The following NEXN variants were observed in gnomAD, a reference collection of about 807,000 sequenced individuals.
NEXN encodes the protein nexilin F-actin binding protein.
Under a neutral mutation model 92.6 loss-of-function variants are expected in NEXN, and 65 were observed. The observed-to-expected ratio is 0.70, with a 90% CI of 0.57 to 0.86. The LOEUF is 0.86. Among genes scored for constraint, NEXN ranks in the 40% least tolerant of loss-of-function variants. The pLI is 0.00. For synonymous variants in NEXN, 254 were observed against 242.5 expected (o/e 1.05, Z -0.44); for missense variants, 778 against 771.1 (o/e 1.01, Z -0.11).
intron 1 of NEXN, among the ~76,000 whole-genome samples, chr1:77,912,450 C>G (rs1053671159): frequency 6.6e-6 from 1 of 152,062 alleles, no homozygotes; most frequent in African/African-American, 2.4e-5. Context: ...CAAACTGATT[C>G]TAAAGTTTAT....
At chr1:77,933,182 AAAAAC>A (rs1314545912) in intron 9 of NEXN, 95 bp from the exon 10 acceptor site, 7 of 847,778 alleles carry the variant, frequency 8.3e-6, no homozygotes, top group Middle Eastern at 3.6e-4. Flanking sequence ...AACAAAAACT[AAAAAC>A]AAACAAAAAA....
intron 1 of NEXN, 54 bp downstream of exon 1, chr1:77,888,813 G>A (rs1462772068): frequency 6.5e-6 from 1 of 153,064 alleles, no homozygotes; most frequent in Non-Finnish European, 1.5e-5. Context: ...GAGGTGTCGG[G>A]TCCCCTGGTG....
intron 8 of NEXN, 41 bp from the exon 9 acceptor site, chr1:77,929,275 A>G: frequency 8.7e-6 from 12 of 1,383,524 alleles, no homozygotes; most frequent in Non-Finnish European, 1.2e-5. Flanking sequence ...CCTTTTTCTG[A>G]TGAACCTCAA....
chr1:77,896,318 T>C lies in NEXN; in HGVS notation c.-53+7559T>C, dbSNP rs1647252910. Among the ~76,000 whole-genome samples the C allele has an allele frequency of 3.3e-5, 5 of 152,168 alleles. No individual in the cohort carries two copies. In the South Asian group the frequency reaches 1.0e-3, roughly 32 times the overall value. On this transcript the variant is annotated intron_variant, in intron 1 of 12. Transcript: ENST00000334785. Reference sequence around the variant, plus strand: ...CACCCATTTGCTCAAACTAGAAACCTTGGGTTCATCCTTTTTTATTTACTT... The same window carrying C: ...CACCCATTTGCTCAAACTAGAAACCCTGGGTTCATCCTTTTTTATTTACTT...
chr1:77,891,240 T>G (rs543715714), intron 1 of NEXN, among the ~76,000 whole-genome samples: 2 of 152,302 alleles, frequency 1.3e-5, no homozygotes, highest in African/African-American at 4.8e-5. Flanking sequence ...CCATGTTATA[T>G]TTATGGTTAA....
rs899796523 is a variant in NEXN, at chr1:77,943,001, C to G, written c.*172C>G. The G allele has an allele frequency of 1.2e-6, 1 of 814,050 alleles. No individual in the cohort carries two copies. The highest frequency in any genetic ancestry group is 2.0e-6 in the Non-Finnish European group (1 of 492,244). 50.4% of individuals were successfully genotyped at this position (814,050 alleles called of 1,614,324 possible). On this transcript the variant is annotated 3_prime_UTR_variant, in exon 13 of 13. Coordinates refer to ENST00000334785, the MANE Select transcript of NEXN (RefSeq NM_144573.4). ...TCTGTGGCGGGGCCAAAAAAGGAAA[C>G]CAGGAGTGCCACTATGCTGACTTCT...
At chr1:77,934,343 G>A (rs914849705) in intron 10 of NEXN, among the ~76,000 whole-genome samples, 1 of 151,828 alleles carries the variant, frequency 6.6e-6, no homozygotes, top group South Asian at 2.1e-4. Flanking sequence ...TGGGGTGATC[G>A]CACTTTATTG....
chr1:77,943,161 A>G lies in NEXN; in HGVS notation c.*332A>G, dbSNP rs1460937433. The G allele has an allele frequency of 2.9e-5, 10 of 342,206 alleles. No homozygotes were observed. In the Admixed American group the frequency reaches 3.6e-4, roughly 12 times the overall value. The allele number at this position is 342,206 out of a possible 1,614,324, so 21.2% of individuals were successfully genotyped here. A position where few individuals can be genotyped will look rare whatever the true frequency, so the allele number is the denominator to read the frequency against. ...TGTACTTATGGGGGGGAATTACTCA[A>G]TTATTCTATCAGAACCTATTATAAA... On this transcript the variant is annotated 3_prime_UTR_variant, in exon 13 of 13. Coordinates refer to ENST00000334785, the MANE Select transcript of NEXN (RefSeq NM_144573.4).
chr1:77,892,548 G>T lies in NEXN; in HGVS notation c.-53+3789G>T, dbSNP rs190165198. ...ACATTACCTGACCCTGAATACTTGA[G>T]TATGCAGTCCCCGATCTAAGTATTA... On this transcript the variant is annotated intron_variant, in intron 1 of 12. Transcript: ENST00000334785. Among the ~76,000 whole-genome samples, 5 of 152,282 alleles carry T rather than the reference G, an allele frequency of 3.3e-5. No individual in the cohort carries two copies. The East Asian group carries it at 9.6e-4, about 29-fold the overall frequency.
At chr1:77,938,704 G>C (rs1211580994) in intron 11 of NEXN, among the ~76,000 whole-genome samples, 4 of 151,262 alleles carry the variant, frequency 2.6e-5, no homozygotes, top group Non-Finnish European at 5.9e-5. Flanking sequence ...AATATACCTA[G>C]GATATGTTTA....
chr1:77,931,754 TA>T (rs1407026150), intron 9 of NEXN: 2 of 152,210 alleles, frequency 1.3e-5, no homozygotes, highest in Non-Finnish European at 2.9e-5. Flanking sequence ...CTTTGAATTG[TA>T]AACCACTTAA....
intron 2 of NEXN, 31 bp downstream of exon 2, chr1:77,916,164 A>ATTTT (rs1286546574): frequency 6.4e-6 from 10 of 1,559,954 alleles, no homozygotes; most frequent in Non-Finnish European, 7.9e-6. Flanking sequence ...TAAAAATAAA[A>ATTTT]GAGGGAAATG....
rs561602271 is a variant in NEXN at position 77,919,863 on chromosome 1, G to C, written c.447+1590G>C. 4.0e-5 allele frequency among the ~76,000 whole-genome samples: 6 copies of C among 150,960 alleles called. No homozygotes were observed. The South Asian group carries it at 1.3e-3, about 32-fold the overall frequency. ...GATCTACCTGCCTTGGCATCCCAAA[G>C]TGCTGGGATTACAGGCGTGAGTCAC... On this transcript the variant is annotated intron_variant, in intron 5 of 12. Transcript: ENST00000334785.
chr1:77,934,183 T>C (rs1190739054), intron 10 of NEXN, among the ~76,000 whole-genome samples: 2 of 151,978 alleles, frequency 1.3e-5, no homozygotes, highest in African/African-American at 4.8e-5. Context: ...CTAATTTTTG[T>C]ATTTTTGGTA....
rs1379585214 is a variant in NEXN at position 77,942,526 on chromosome 1, G to A, written c.1725G>A (p.Glu575=). The change falls in exon 13 of 13, where the codon GAG becomes GAA. Residue 575 remains glutamate (E), a synonymous_variant. Transcript: ENST00000334785. ...ATGGCTCCACTGCTGAAGATGAAGA[G>A]CAAACCAGATCAGGAGCTCCATGGT... The part of the protein sequence containing the change: ...IMNGSTAEDE[E]QTRSGAPWFK... 6.2e-7 allele frequency: 1 copy of A among 1,613,906 alleles called. No individual in the cohort carries two copies.
intron 1 of NEXN, among the ~76,000 whole-genome samples, chr1:77,902,278 G>C (rs961893145): frequency 2.0e-5 from 3 of 151,984 alleles, no homozygotes; most frequent in African/African-American, 7.2e-5. Context: ...TTGGTTTAGA[G>C]GTTTCAGAAC....
chr1:77,926,046 T>G (rs1649816414), intron 6 of NEXN, among the ~76,000 whole-genome samples: 1 of 152,144 alleles, frequency 6.6e-6, no homozygotes. Flanking sequence ...TTTTTTTTGT[T>G]TAAACTGAAT....
intron 8 of NEXN, 51 bp downstream of exon 8, chr1:77,926,943 C>T (rs760672863): frequency 6.2e-6 from 10 of 1,608,062 alleles, no homozygotes; most frequent in East Asian, 2.2e-5. Context: ...AGTTAGCCGA[C>T]TTAAGATAAG....
chr1:77,938,131 G>C lies in NEXN; in HGVS notation c.1473+2087G>C, dbSNP rs149323447. On this transcript the variant is annotated intron_variant, in intron 11 of 12. Coordinates refer to ENST00000334785, the MANE Select transcript of NEXN (RefSeq NM_144573.4). ...GGAAAAGAGGTTCCATAAGCTATTT[G>C]ACACAAATGGAGATGCTGTGAAACA... 3.3e-3 allele frequency among the ~76,000 whole-genome samples: 502 copies of C among 152,250 alleles called. 4 individuals carry two copies. The highest frequency in any genetic ancestry group is 0.012 in the African/African-American group (484 of 41,528).
Sources: gnomAD v4.1 joint callset for allele counts (sites outside exome capture counted in the v4.1 genomes callset) on GRCh38, gnomAD v4.1.1 for gene constraint, MANE v1.5 for transcripts, NCBI Gene and HGNC (gene_info 2026-07-23, HGNC 2026-07-21) for gene names.